The following RBFOX2 variants were observed in gnomAD, a reference collection of about 807,000 sequenced individuals.
The protein encoded by RBFOX2 is RNA binding protein fox-1 homolog 2.
A neutral mutation model predicts 49.1 loss-of-function variants in RBFOX2; 10 were observed. The observed-to-expected ratio is 0.20, with a 90% CI of 0.13 to 0.35. The LOEUF (loss-of-function observed/expected upper bound fraction) is 0.35, where lower values mean the gene tolerates loss of function less well. Among genes scored for constraint, RBFOX2 ranks in the 10% least tolerant of loss-of-function variants. The pLI, the probability that RBFOX2 is intolerant of heterozygous loss-of-function variation, is 1.00. For missense variants in RBFOX2, 323 were observed against 486.9 expected, an observed-to-expected ratio of 0.66 and a Z score of 3.17; for synonymous variants, 183 against 187.4, an observed-to-expected ratio of 0.98 and a Z score of 0.19.
intron 1 of RBFOX2, among the ~76,000 whole-genome samples, chr22:35,919,769 G>C (rs970545868): frequency 6.6e-6 from 1 of 152,158 alleles, no homozygotes; most frequent in Non-Finnish European, 1.5e-5. Flanking sequence ...TTTAATGAGG[G>C]AACTTTGATT....
At chr22:35,915,825 C>G (rs749007556) in intron 1 of RBFOX2, among the ~76,000 whole-genome samples, 1 of 152,188 alleles carries the variant, frequency 6.6e-6, no homozygotes, top group Non-Finnish European at 1.5e-5. Context: ...GACAGATCAT[C>G]TCTCAGAAAC....
At position 35,781,481 on chromosome 22, in the gene RBFOX2, C is replaced by T. The variant is rs1274083827; in HGVS notation, c.399+119G>A. On this transcript the variant is annotated intron_variant, in intron 3 of 11. Transcript: ENST00000405409. ...AAAGACTGATGAAAAGACTGATTTA[C>T]CTCAGGTTCTTTCAATCTATTTGTA... 5.4e-6 allele frequency: 7 copies of T among 1,297,702 alleles called. No individual in the cohort carries two copies. In the African/African-American group the frequency reaches 7.4e-5, roughly 14 times the overall value. The allele number at this position is 1,297,702 out of a possible 1,614,324, so 80.4% of individuals were successfully genotyped here. A position where few individuals can be genotyped will look rare whatever the true frequency, so the allele number is the denominator to read the frequency against.
chr22:35,750,761 C>G (rs1602095579), intron 9 of RBFOX2, among the ~76,000 whole-genome samples: 2 of 152,246 alleles, frequency 1.3e-5, no homozygotes, highest in East Asian at 3.8e-4. Flanking sequence ...CACATGTATG[C>G]TCGCCCTCTG....
intron 1 of RBFOX2, among the ~76,000 whole-genome samples, chr22:35,976,963 C>CAAAAAA (rs199582145): frequency 1.7e-5 from 1 of 59,534 alleles, no homozygotes. Context: ...GACTCCGTCT[C>CAAAAAA]AAAAAAAAAA....
chr22:35,780,879 T>C (rs1236851698), intron 3 of RBFOX2, among the ~76,000 whole-genome samples: 5 of 152,220 alleles, frequency 3.3e-5, no homozygotes, highest in Non-Finnish European at 7.3e-5. Flanking sequence ...TTCTCTACAT[T>C]GTGAATCTTT....
At chr22:35,824,499 C>T (rs1047659993) in intron 1 of RBFOX2, 1 of 152,154 alleles carries the variant, frequency 6.6e-6, no homozygotes, top group Admixed American at 6.5e-5. Context: ...GAAATGTAAA[C>T]CAGTGATTAC....
At chr22:35,821,678 C>T in intron 1 of RBFOX2, 8 of 506,604 alleles carry the variant, frequency 1.6e-5, no homozygotes, top group South Asian at 1.1e-4. Flanking sequence ...GAGGACTGAC[C>T]TTCTTTTAAT....
At chr22:35,745,506 A>C (rs1004824342) in intron 11 of RBFOX2, among the ~76,000 whole-genome samples, 1 of 152,224 alleles carries the variant, frequency 6.6e-6, no homozygotes, top group Non-Finnish European at 1.5e-5. Context: ...GACATCCTTT[A>C]GATTTGCATT....
intron 1 of RBFOX2, among the ~76,000 whole-genome samples, chr22:35,957,975 C>T (rs537737887): frequency 2.5e-4 from 38 of 152,090 alleles, no homozygotes; most frequent in Non-Finnish European, 4.9e-4. Flanking sequence ...CAAAAGATAC[C>T]TCTTAATTAG....
chr22:35,864,718 G>A (rs144843158), intron 1 of RBFOX2, among the ~76,000 whole-genome samples: 70 of 152,316 alleles, frequency 4.6e-4, no homozygotes, highest in African/African-American at 1.7e-3. Context: ...AGTGACTTAA[G>A]ACCAAATGTG....
chr22:35,843,300 G>A (rs2040747315), upstream of RBFOX2, among the ~76,000 whole-genome samples: 3 of 152,210 alleles, frequency 2.0e-5, no homozygotes, highest in Admixed American at 2.0e-4. Context: ...ACGATGAGAT[G>A]TCAGCTAATG....
intron 2 of RBFOX2, 144 bp downstream of exon 3, chr22:35,809,636 T>C (rs762338598): frequency 3.0e-4 from 283 of 937,396 alleles, no homozygotes; most frequent in Non-Finnish European, 4.3e-4. Context: ...GGACAATGTA[T>C]ACAATGCTGT....
chr22:35,777,913 G>A, intron 4 of RBFOX2, 112 bp downstream of exon 5: 1 of 1,091,216 alleles, frequency 9.2e-7, no homozygotes, highest in Non-Finnish European at 1.3e-6. Context: ...GGATAATTAG[G>A]ATACTTTTAT....
At chr22:35,949,423 C>T (rs1281739194) in intron 1 of RBFOX2, among the ~76,000 whole-genome samples, 1 of 152,210 alleles carries the variant, frequency 6.6e-6, no homozygotes, top group Non-Finnish European at 1.5e-5. Context: ...TGCTGGATCA[C>T]TGGTAATTCT....
chr22:35,952,476 C>T (rs2055061586), intron 1 of RBFOX2, among the ~76,000 whole-genome samples: 1 of 152,158 alleles, frequency 6.6e-6, no homozygotes, highest in South Asian at 2.1e-4. Flanking sequence ...GAACTTTAGT[C>T]TATTTAAATT....
chr22:35,878,134 C>T (rs1162664169), intron 1 of RBFOX2, among the ~76,000 whole-genome samples: 6 of 151,974 alleles, frequency 3.9e-5, no homozygotes, highest in African/African-American at 1.5e-4. Flanking sequence ...CAGTGGCTCA[C>T]TCCTCTAATC....
rs1232098895 is a variant in RBFOX2 at position 35,749,591 on chromosome 22, G to A, written c.888-3030C>T. On this transcript the variant is annotated intron_variant, in intron 9 of 11. Coordinates refer to ENST00000405409, the Ensembl canonical transcript of RBFOX2. The surrounding 1 kb of genome is among the most constrained non-coding windows in gnomAD (Gnocchi z 4.1). ...TTCAACAAAACATATCACAAAATGT[G>A]AGAAAAAGAAAATTCAGATATATTT... 6.6e-6 allele frequency among the ~76,000 whole-genome samples: 1 copy of A among 152,078 alleles called. No individual in the cohort carries two copies. The highest frequency in any genetic ancestry group is 1.9e-4 in the East Asian group (1 of 5,204).
intron 1 of RBFOX2, among the ~76,000 whole-genome samples, chr22:35,945,104 A>G (rs2054130173): frequency 6.6e-6 from 1 of 152,200 alleles, no homozygotes; most frequent in Admixed American, 6.5e-5. Flanking sequence ...GCAAAGGAAG[A>G]TACAAAATGA....
chr22:36,010,680 A>G (rs1004778799), intron 1 of RBFOX2, among the ~76,000 whole-genome samples: 1 of 151,442 alleles, frequency 6.6e-6, no homozygotes, highest in African/African-American at 2.4e-5. Flanking sequence ...AGTCAAGCCT[A>G]AGTTTGATAT....
Sources: allele counts gnomAD v4.1 joint callset (sites outside exome capture counted in the v4.1 genomes callset), GRCh38; gene constraint gnomAD v4.1.1; non-coding constraint Gnocchi (gnomAD v3.1); transcripts MANE v1.5; gene names NCBI Gene and HGNC (gene_info 2026-07-23, HGNC 2026-07-21).